The following ACE variants were observed in gnomAD, a reference collection of about 807,000 sequenced individuals.
ACE encodes the protein angiotensin-converting enzyme.
ACE carries 122 observed loss-of-function variants against 162.3 expected under a neutral mutation model. The ratio of observed to expected loss-of-function variants is 0.75; its 90% CI spans 0.65 to 0.87. ACE has a LOEUF of 0.87. Among genes scored for constraint, ACE ranks in the 40% least tolerant of loss-of-function variants. The probability of loss-of-function intolerance (pLI) is 0.00; values close to 1 mark genes in which losing one functional copy is unlikely to be tolerated. For synonymous variants in ACE, 796 were observed against 720.6 expected (o/e 1.10, Z -1.68); for missense variants, 1,799 against 1,735.1 (o/e 1.04, Z -0.65).
At chr17:63,494,632 G>C (rs1330408760) in intron 22 of ACE, among the ~76,000 whole-genome samples, 162 bp downstream of exon 22, 1 of 152,242 alleles carries the variant, frequency 6.6e-6, no homozygotes, top group Non-Finnish European at 1.5e-5. Flanking sequence ...TGCCAAGGCT[G>C]ATGGGTTTTT....
Position 63,489,285 on chromosome 17 carries a change from C to T in ACE, c.2641+153C>T, listed in dbSNP as rs543768288. On this transcript the variant is annotated intron_variant, in intron 17 of 24. Coordinates refer to ENST00000290866, the MANE Select transcript of ACE (RefSeq NM_000789.4). ...GTTGCCCAGGCTGGAGGGGGGTGGG[C>T]GCTGGGAGTGGGGAGCCCCCCACTT... Among the ~76,000 whole-genome samples, 14 of 152,146 alleles carry T rather than the reference C, an allele frequency of 9.2e-5. No homozygotes were observed. The South Asian group carries it at 1.2e-3, about 14-fold the overall frequency.
intron 14 of ACE, 43 bp from the exon 15 acceptor site, chr17:63,486,943 A>C (rs759681203): frequency 6.4e-7 from 1 of 1,564,964 alleles, no homozygotes; most frequent in South Asian, 1.1e-5. Context: ...AGAGAGACCA[A>C]GTGCAAAGGA....
At position 63,484,158 on chromosome 17, in the gene ACE, C is replaced by T. The variant is rs543250796; in HGVS notation, c.1710-172C>T. 1.4e-4 allele frequency among the ~76,000 whole-genome samples: 21 copies of T among 152,310 alleles called. No homozygotes were observed. Among genetic ancestry groups the T allele is most frequent in the Middle Eastern group, 3.4e-3 (1 of 294 alleles). On this transcript the variant is annotated intron_variant, in intron 11 of 24. Transcript: ENST00000290866. This position sits in a 1 kb window ranked among gnomAD's most constrained non-coding sequence, Gnocchi z 4.0. Reference sequence around the variant, plus strand: ...AGTGGGCCTTCTGGCTGGCATGGGGCGACACAAATGCCCCCTGCCACCATC... The same window carrying T: ...AGTGGGCCTTCTGGCTGGCATGGGGTGACACAAATGCCCCCTGCCACCATC...
chr17:63,482,923 T>C (rs1358821898), intron 8 of ACE, 106 bp from the exon 9 acceptor site: 1 of 1,281,196 alleles, frequency 7.8e-7, no homozygotes, highest in Non-Finnish European at 1.1e-6. Context: ...ATACCTTCTC[T>C]GCATCTCCCT....
intron 3 of ACE, among the ~76,000 whole-genome samples, chr17:63,479,510 G>A (rs1309071752): frequency 6.6e-6 from 1 of 152,182 alleles, no homozygotes; most frequent in Non-Finnish European, 1.5e-5. Flanking sequence ...CTAAGTGTCT[G>A]TCTGGGTTTT....
rs1235076329 is a variant in ACE at position 63,478,017 on chromosome 17, C to T, written c.336C>T (p.Phe112=). The T allele has an allele frequency of 6.2e-7, 1 of 1,610,422 alleles. No individual in the cohort carries two copies. The highest frequency in any genetic ancestry group is 1.1e-5 in the South Asian group (1 of 90,358). The change falls in exon 2 of 25, where the codon TTC becomes TTT. Residue 112 remains phenylalanine, a synonymous_variant. Transcript: ENST00000290866. ...KELYEPIWQN[F]TDPQLRRIIG... ...TGTATGAACCGATCTGGCAGAACTTCACGGACCCGCAGCTGCGCAGGATCA... is the reference window on the plus strand; with the variant it reads ...TGTATGAACCGATCTGGCAGAACTTTACGGACCCGCAGCTGCGCAGGATCA...
Position 63,485,293 on chromosome 17 carries a change from C to G in ACE, c.1979C>G (p.Ser660Cys), listed in dbSNP as rs147429960. The G allele has an allele frequency of 1.4e-3, 2,326 of 1,614,064 alleles. 1 individual carries two copies. The highest frequency in any genetic ancestry group is 1.8e-3 in the Non-Finnish European group (2,151 of 1,180,016). ...TTTGTGGAGGAATATGACCGGACAT[C>G]CCAGGTGGTGTGGAACGAGTATGCC... ...SKFVEEYDRT[S>C]QVVWNEYAEA... Residue 660 changes from serine to cysteine, a missense_variant, in exon 13 of 25, where the codon TCC becomes TGC. Ser to Cys is a moderately radical substitution (Grantham distance 112). Transcript: ENST00000290866.
Position 63,477,151 on chromosome 17 carries a change from G to C in ACE, c.57G>C (p.Leu19=). The C allele has an allele frequency of 1.4e-6, 2 of 1,445,934 alleles. No individual in the cohort carries two copies. The highest frequency in any genetic ancestry group is 1.8e-6 in the Non-Finnish European group (2 of 1,100,534). 89.6% of individuals were successfully genotyped at this position (1,445,934 alleles called of 1,614,324 possible). A position where few individuals can be genotyped will look rare whatever the true frequency, so the allele number is the denominator to read the frequency against. Residue 19 remains leucine, a synonymous_variant, in exon 1 of 25, where the codon CTG becomes CTC. Transcript: ENST00000290866. ...GPGLLLPLPL[L]LLLPPQPALA... ...GGCTGCTGCTGCCGCTGCCGCTGCT[G>C]TTGCTGCTGCCGCCGCAGCCCGCCC...
At chr17:63,496,330 G>C in intron 22 of ACE, 64 bp from the exon 23 acceptor site, 1 of 1,611,108 alleles carries the variant, frequency 6.2e-7, no homozygotes, top group Non-Finnish European at 8.5e-7. Flanking sequence ...AGAAGGGCCT[G>C]GGGCCCAGTG....
At chr17:63,479,146 A>G (rs931087788) in intron 3 of ACE, 46 bp downstream of exon 3, 4 of 1,476,328 alleles carry the variant, frequency 2.7e-6, no homozygotes, top group Non-Finnish European at 3.7e-6. Context: ...TAGTGTTCCC[A>G]CATTGCCCTG....
In ACE at chr17:63,497,911, A is replaced by G. The variant is rs1349676603; in HGVS notation, c.*545A>G. On this transcript the variant is annotated 3_prime_UTR_variant, in exon 25 of 25. Transcript: ENST00000290866. ...CCTGGGCTGCTGGCCTCACATTTCC[A>G]CTGGCAGTGGAGCCTTTCCCTGCTC... The G allele has an allele frequency of 2.8e-5, 6 of 214,194 alleles. No homozygotes were observed. The highest frequency in any genetic ancestry group is 5.7e-5 in the Non-Finnish European group (6 of 105,276). The allele number at this position is 214,194 out of a possible 1,614,324, so 13.3% of individuals were successfully genotyped here. A position where few individuals can be genotyped will look rare whatever the true frequency, so the allele number is the denominator to read the frequency against.
rs551242957 is a variant in ACE at position 63,484,298 on chromosome 17, C to G, written c.1710-32C>G. ...CAGGAGCAGACTCCAGCCTGAGTCC[C>G]CTGTGCCCATGGTACCCACTCTGCC... On this transcript the variant is annotated intron_variant, in intron 11 of 24. Transcript: ENST00000290866. This position sits in a 1 kb window ranked among gnomAD's most constrained non-coding sequence, Gnocchi z 4.0. 6.3e-7 allele frequency: 1 copy of G among 1,598,018 alleles called. No homozygotes were observed. Among genetic ancestry groups the G allele is most frequent in the African/African-American group, 1.3e-5 (1 of 74,684 alleles).
At chr17:63,479,720 G>A in intron 3 of ACE, 49 bp from the exon 4 acceptor site, 1 of 1,610,294 alleles carries the variant, frequency 6.2e-7, no homozygotes. Flanking sequence ...GGCCGTTGAA[G>A]ACTTCAACGT....
chr17:63,496,777 C>G (rs1361566785), intron 23 of ACE, 21 bp from the exon 24 acceptor site: 2 of 1,610,256 alleles, frequency 1.2e-6, no homozygotes, highest in Non-Finnish European at 1.7e-6. Flanking sequence ...GACTCTGCCT[C>G]CCTGTCTCAT....
At chr17:63,496,139 C>T (rs951104316) in intron 22 of ACE, 6 of 531,162 alleles carry the variant, frequency 1.1e-5, no homozygotes, top group Non-Finnish European at 2.0e-5. Context: ...TGGAGCAGGC[C>T]CTCCTGAGTT....
chr17:63,485,593 C>A lies in ACE; in HGVS notation c.2058+221C>A, dbSNP rs4323. 3.5e-6 allele frequency: 2 copies of A among 563,602 alleles called. No individual in the cohort carries two copies. Among genetic ancestry groups the A allele is most frequent in the African/African-American group, 1.9e-5 (1 of 53,174 alleles). The allele number at this position is 563,602 out of a possible 1,614,324, so 34.9% of individuals were successfully genotyped here. A position where few individuals can be genotyped will look rare whatever the true frequency, so the allele number is the denominator to read the frequency against. On this transcript the variant is annotated intron_variant, in intron 13 of 24. Coordinates refer to ENST00000290866, the MANE Select transcript of ACE (RefSeq NM_000789.4). Reference sequence around the variant, plus strand: ...CAGATCAAGACCATCCTGGCTAACACGGTGAAACCCCATCTCTAGTAAAAA... The same window carrying A: ...CAGATCAAGACCATCCTGGCTAACAAGGTGAAACCCCATCTCTAGTAAAAA...
In ACE at chr17:63,493,623, A is replaced by T; in HGVS notation, c.3100A>T (p.Ser1034Cys). ...LSVSTPKHLH[S>C]LNLLSSEGGS... The stretch of plus-strand genomic sequence containing the variant: ...AGTGTCTACGCCCAAGCACCTGCAC[A>T]GTCTCAACCTGCTGAGCAGTGAGGG... Residue 1034 changes from serine (S) to cysteine (C), a missense_variant, in exon 20 of 25, where the codon AGT becomes TGT. Physicochemically the swap from Ser to Cys is moderately radical, Grantham distance 112. Coordinates refer to ENST00000290866, the MANE Select transcript of ACE (RefSeq NM_000789.4). 1.2e-6 allele frequency: 2 copies of T among 1,614,118 alleles called. No individual in the cohort carries two copies. The highest frequency in any genetic ancestry group is 2.2e-5 in the East Asian group (1 of 44,880).
intron 7 of ACE, 21 bp downstream of exon 7, chr17:63,481,759 C>T (rs376893630): frequency 4.4e-5 from 71 of 1,613,736 alleles, no homozygotes; most frequent in African/African-American, 3.3e-4. Flanking sequence ...GGGAAGAGCA[C>T]GTTCTGGGGT....
At chr17:63,477,702 G>C (rs1230922139) in intron 1 of ACE, 3 of 588,442 alleles carry the variant, frequency 5.1e-6, no homozygotes, top group Non-Finnish European at 9.0e-6. Flanking sequence ...CCACTCGCCC[G>C]GCCTCTTTTC....
Sources: gnomAD v4.1 joint callset for allele counts (sites outside exome capture counted in the v4.1 genomes callset) on GRCh38, gnomAD v4.1.1 for gene constraint, Gnocchi (gnomAD v3.1) non-coding constraint, MANE v1.5 for transcripts, NCBI Gene and HGNC (gene_info 2026-07-23, HGNC 2026-07-21) for gene names.